CDH4: variants seen among roughly 807,000 people sequenced by gnomAD.
The protein encoded by CDH4 is cadherin-4.
A neutral mutation model predicts 86.0 loss-of-function variants in CDH4; 33 were observed. The observed-to-expected ratio is 0.38, with a 90% CI of 0.29 to 0.51. The LOEUF (loss-of-function observed/expected upper bound fraction) is 0.51, where lower values mean the gene tolerates loss of function less well. CDH4 is among the 20% of genes least tolerant of loss of function. The probability of loss-of-function intolerance (pLI) is 0.86; values close to 1 mark genes in which losing one functional copy is unlikely to be tolerated. For missense variants in CDH4, 1,114 were observed against 1,307.4 expected, an observed-to-expected ratio of 0.85 and a Z score of 2.28; for synonymous variants, 555 against 549.4, an observed-to-expected ratio of 1.01 and a Z score of -0.14.
rs531102385 is a variant in CDH4, at chr20:61,889,861, G to T, written c.1051-5049G>T. ...ATGGATGGATAGATAATGGATGGAT[G>T]GATAGATGGATGGTGGATGGGTGAG... On this transcript the variant is annotated intron_variant, in intron 7 of 15. Coordinates refer to ENST00000614565, the MANE Select transcript of CDH4 (RefSeq NM_001794.5). Among the ~76,000 whole-genome samples the T allele has an allele frequency of 5.5e-3, 823 of 149,750 alleles. 5 individuals are homozygous for T. The highest frequency in any genetic ancestry group is 0.019 in the African/African-American group (773 of 40,678).
rs201461645 is a variant in CDH4 at position 61,852,912 on chromosome 20, C to T, written c.877+14C>T. On this transcript the variant is annotated intron_variant, in intron 6 of 15. Coordinates refer to ENST00000614565, the MANE Select transcript of CDH4 (RefSeq NM_001794.5). The stretch of plus-strand genomic sequence containing the variant: ...GCTCCAAGCCAGGTGAGGCCTTTAG[C>T]GTTTGCTTGCTGGAGACCCTGTGGG... The T allele has an allele frequency of 1.4e-4, 227 of 1,612,888 alleles. 1 individual carries two copies. The highest frequency in any genetic ancestry group is 6.8e-4 in the South Asian group (62 of 90,986).
intron 2 of CDH4, 47 bp from the exon 3 acceptor site, chr20:61,743,516 C>G: frequency 6.8e-7 from 1 of 1,472,156 alleles, no homozygotes; most frequent in East Asian, 2.5e-5. Context: ...TGTTACCGCC[C>G]TTCTGCTGGC....
chr20:61,679,959 G>T (rs1188664717), intron 2 of CDH4, among the ~76,000 whole-genome samples: 3 of 152,008 alleles, frequency 2.0e-5, no homozygotes, highest in African/African-American at 7.2e-5. Flanking sequence ...TAGCCTGAGA[G>T]TCCCCAAGAG....
intron 2 of CDH4, among the ~76,000 whole-genome samples, chr20:61,605,658 T>C (rs546161486): frequency 6.6e-6 from 1 of 152,282 alleles, no homozygotes; most frequent in Non-Finnish European, 1.5e-5. Flanking sequence ...TCTCTATCTC[T>C]GTCTTTTTCT....
chr20:61,803,255 C>T (rs1010507753), intron 4 of CDH4, among the ~76,000 whole-genome samples: 3 of 152,142 alleles, frequency 2.0e-5, no homozygotes, highest in Non-Finnish European at 4.4e-5. Context: ...TCTCCACGCT[C>T]GGCACAATCC....
At chr20:61,652,938 A>ATTTATTTATTTTTTTT (rs1555819716) in intron 2 of CDH4, among the ~76,000 whole-genome samples, 155 of 97,212 alleles carry the variant, frequency 1.6e-3, no homozygotes, top group Middle Eastern at 5.4e-3. Flanking sequence ...TTATTTATTT[A>ATTTATTTATTTTTTTT]TTTTTTTTTT....
At chr20:61,583,672 G>A (rs2086448955) in intron 2 of CDH4, among the ~76,000 whole-genome samples, 1 of 152,198 alleles carries the variant, frequency 6.6e-6, no homozygotes, top group Non-Finnish European at 1.5e-5. Context: ...ACATCACATT[G>A]CCATCCTTCG....
At chr20:61,632,358 C>T (rs537972750) in intron 2 of CDH4, among the ~76,000 whole-genome samples, 5 of 152,292 alleles carry the variant, frequency 3.3e-5, no homozygotes, top group South Asian at 2.1e-4. Flanking sequence ...TCACCCCCAA[C>T]AATCGACCCT....
intron 2 of CDH4, among the ~76,000 whole-genome samples, chr20:61,531,782 G>C (rs6061608): frequency 0.3 from 45,760 of 152,134 alleles, 10,589 homozygotes; most frequent in African/African-American, 0.64. Flanking sequence ...TGACGCACAG[G>C]CCTGGAGCGA....
At chr20:61,323,740 G>T (rs941851750) in intron 2 of CDH4, among the ~76,000 whole-genome samples, 1 of 152,156 alleles carries the variant, frequency 6.6e-6, no homozygotes, top group African/African-American at 2.4e-5. Context: ...CACTGAAGGG[G>T]GCTCTCCCTG....
In CDH4 at chr20:61,929,652, C is replaced by T. The variant is rs201703403; in HGVS notation, c.2049C>T (p.Ala683=). 52 of 1,613,960 alleles carry T rather than the reference C, an allele frequency of 3.2e-5. No individual in the cohort carries two copies. In the Middle Eastern group the frequency reaches 6.6e-4, roughly 20 times the overall value. ...QLSLRILYLE[A]GMYDVPIIVT... is the part of the protein sequence containing the mutation. ...GCTTGCGCATCCTGTACCTGGAGGC[C>T]GGGATGTATGACGTCCCCATCATCG... is the stretch of plus-strand genomic sequence containing the variant. Residue 683 remains alanine (A), a synonymous_variant, in exon 13 of 16, where the codon GCC becomes GCT. Coordinates refer to ENST00000614565, the MANE Select transcript of CDH4 (RefSeq NM_001794.5).
intron 2 of CDH4, among the ~76,000 whole-genome samples, chr20:61,285,322 C>T (rs1220663620): frequency 6.6e-6 from 1 of 151,056 alleles, no homozygotes; most frequent in Admixed American, 6.6e-5. Flanking sequence ...TGACACTGGC[C>T]ATAGGAGTGT....
intron 2 of CDH4, among the ~76,000 whole-genome samples, chr20:61,453,242 T>A (rs1219762564): frequency 1.3e-5 from 2 of 152,202 alleles, no homozygotes; most frequent in African/African-American, 4.8e-5. Context: ...ATTGAAGCAT[T>A]CATTTTTCTG....
Position 61,314,784 on chromosome 20 carries a change from C to T in CDH4, c.169+59847C>T, listed in dbSNP as rs562719008. Among the ~76,000 whole-genome samples the T allele has an allele frequency of 2.6e-5, 4 of 152,270 alleles. No homozygotes were observed. In the South Asian group the frequency reaches 6.2e-4, roughly 24 times the overall value. Reference sequence around the variant, plus strand: ...GCTTCCCTTTTCTCCACGTCCTCACCGAGGCTTGTTATCCTCGTCGTTTTG... The same window carrying T: ...GCTTCCCTTTTCTCCACGTCCTCACTGAGGCTTGTTATCCTCGTCGTTTTG... On this transcript the variant is annotated intron_variant, in intron 2 of 15. Coordinates refer to ENST00000614565, the MANE Select transcript of CDH4 (RefSeq NM_001794.5).
At chr20:61,284,450 C>G (rs2084282339) in intron 2 of CDH4, among the ~76,000 whole-genome samples, 2 of 152,200 alleles carry the variant, frequency 1.3e-5, no homozygotes, top group Non-Finnish European at 2.9e-5. Flanking sequence ...CTCTCTTCCA[C>G]CTACAAACAC....
chr20:61,453,977 C>T (rs2085393749), intron 2 of CDH4, among the ~76,000 whole-genome samples: 1 of 152,200 alleles, frequency 6.6e-6, no homozygotes, highest in African/African-American at 2.4e-5. Context: ...GTTTGCTTCC[C>T]CTTCTGCCAT....
intron 8 of CDH4, among the ~76,000 whole-genome samples, chr20:61,900,156 T>A (rs967214730): frequency 1.3e-5 from 2 of 152,218 alleles, no homozygotes; most frequent in East Asian, 3.9e-4. Flanking sequence ...CGCCCACAGA[T>A]CCCCAGCCCC....
chr20:61,769,384 G>A (rs1045258125), intron 3 of CDH4, among the ~76,000 whole-genome samples: 2 of 152,228 alleles, frequency 1.3e-5, no homozygotes, highest in African/African-American at 4.8e-5. Flanking sequence ...CCCAGTCTGG[G>A]ATTTATGGAA....
chr20:61,369,287 C>T (rs917427298), intron 2 of CDH4, among the ~76,000 whole-genome samples: 3 of 151,666 alleles, frequency 2.0e-5, no homozygotes, highest in Non-Finnish European at 4.4e-5. Flanking sequence ...CCCCTCTCTA[C>T]TAAAAATACA....
Sources: gnomAD v4.1 joint callset for allele counts (sites outside exome capture counted in the v4.1 genomes callset) on GRCh38, gnomAD v4.1.1 for gene constraint, MANE v1.5 for transcripts, NCBI Gene and HGNC (gene_info 2026-07-23, HGNC 2026-07-21) for gene names.